CPHXL: variants seen among roughly 807,000 people sequenced by gnomAD.
CPHXL encodes the protein cytoplasmic polyadenylated homeobox like, also known as cytoplasmic polyadenylated homeobox-like protein.
intron 2 of CPHXL, 114 bp from the exon 3 acceptor site, chr16:75,715,336 C>G: frequency 2.5e-6 from 1 of 397,404 alleles, no homozygotes. Context: ...AGCAGAGTCC[C>G]TGACTTGCCT....
chr16:75,720,834 T>C (rs535860151), intron 1 of CPHXL, among the ~76,000 whole-genome samples: 338 of 151,592 alleles, frequency 2.2e-3, no homozygotes, highest in Non-Finnish European at 4.1e-3. Flanking sequence ...AAGGAAAAAA[T>C]GGGAAGGGCA....
chr16:75,722,823 C>T (rs1421111052), intron 1 of CPHXL, among the ~76,000 whole-genome samples: 1 of 152,140 alleles, frequency 6.6e-6, no homozygotes, highest in African/African-American at 2.4e-5. Context: ...ACCAATATCC[C>T]TGATGAACAT....
intron 1 of CPHXL, among the ~76,000 whole-genome samples, chr16:75,722,364 C>A (rs544247093): frequency 3.3e-5 from 5 of 151,598 alleles, no homozygotes; most frequent in Non-Finnish European, 7.4e-5. Context: ...GCTAGCAAGA[C>A]TAATAAAGAA....
chr16:75,718,303 G>C lies in CPHXL; in HGVS notation c.181C>G (p.Leu61Val). The C allele has an allele frequency of 2.5e-6, 1 of 398,794 alleles. No individual in the cohort carries two copies. The allele number at this position is 398,794 out of a possible 1,614,324, so 24.7% of individuals were successfully genotyped here. A position where few individuals can be genotyped will look rare whatever the true frequency, so the allele number is the denominator to read the frequency against. Reference sequence around the variant, plus strand: ...ACCGGACAATCAAATTTGATGGCCAGTGTTTTCCTAGTTGTGTAATCGGGA... The same window carrying C: ...ACCGGACAATCAAATTTGATGGCCACTGTTTTCCTAGTTGTGTAATCGGGA... ...CYPDYTTRKT[L>V]AIKFDCPVNV... Residue 61 changes from leucine to valine, a missense_variant, in exon 2 of 3, where the codon CTG becomes GTG. Physicochemically the swap from Leu to Val is conservative, Grantham distance 32 (BLOSUM62 1). Coordinates refer to ENST00000640559, the MANE Select transcript of CPHXL (RefSeq NM_001355613.1).
In CPHXL at chr16:75,718,298, G is replaced by A. The variant is rs1959422856; in HGVS notation, c.186C>T (p.Ala62=). The A allele has an allele frequency of 2.5e-6, 1 of 398,606 alleles. No homozygotes were observed. Among genetic ancestry groups the A allele is most frequent in the Non-Finnish European group, 4.4e-6 (1 of 226,196 alleles). The allele number at this position is 398,606 out of a possible 1,614,324, so 24.7% of individuals were successfully genotyped here. The change falls in exon 2 of 3, where the codon GCC becomes GCT. Residue 62 remains alanine (A), a synonymous_variant. Coordinates refer to ENST00000640559, the MANE Select transcript of CPHXL (RefSeq NM_001355613.1). ...YPDYTTRKTL[A]IKFDCPVNVI... Reference sequence around the variant, plus strand: ...CATTTACCGGACAATCAAATTTGATGGCCAGTGTTTTCCTAGTTGTGTAAT... The same window carrying A: ...CATTTACCGGACAATCAAATTTGATAGCCAGTGTTTTCCTAGTTGTGTAAT...
chr16:75,718,349 T>C lies in CPHXL; in HGVS notation c.135A>G (p.Glu45=), dbSNP rs1215755278. Residue 45 remains glutamate (E), a synonymous_variant, in exon 2 of 3, where the codon GAA becomes GAG. Transcript: ENST00000640559. ...FSEELLQELK[E]IFGENCYPDY... ...CGGGATAACAGTTCTCTCCAAATAT[T>C]TCCTTAAGTTCCTGCAGTAATTCTT... 1 of 398,742 alleles carries C rather than the reference T, an allele frequency of 2.5e-6. No homozygotes were observed. Among genetic ancestry groups the C allele is most frequent in the African/African-American group, 2.1e-5 (1 of 48,662 alleles). The allele number at this position is 398,742 out of a possible 1,614,324, so 24.7% of individuals were successfully genotyped here. A position where few individuals can be genotyped will look rare whatever the true frequency, so the allele number is the denominator to read the frequency against.
intron 1 of CPHXL, among the ~76,000 whole-genome samples, 175 bp from the exon 2 acceptor site, chr16:75,718,633 G>T (rs146309923): frequency 2.1e-3 from 319 of 152,252 alleles, no homozygotes; most frequent in African/African-American, 7.2e-3. Context: ...GCAGGAATTG[G>T]CTAACTCTAG....
chr16:75,725,675 A>G (rs1959546989), intron 1 of CPHXL, among the ~76,000 whole-genome samples: 1 of 150,200 alleles, frequency 6.7e-6, no homozygotes, highest in Admixed American at 6.7e-5. Flanking sequence ...GATGGTCTCA[A>G]TATCCTGACC....
chr16:75,719,510 C>G (rs751441585), intron 1 of CPHXL, among the ~76,000 whole-genome samples: 139 of 152,280 alleles, frequency 9.1e-4, no homozygotes, highest in Non-Finnish European at 1.7e-3. Flanking sequence ...TCACTGCTAG[C>G]ACAGCAGTGT....
chr16:75,722,648 T>C (rs536421086), intron 1 of CPHXL, among the ~76,000 whole-genome samples: 1 of 152,310 alleles, frequency 6.6e-6, no homozygotes, highest in East Asian at 1.9e-4. Context: ...ACCAGACGGA[T>C]TCACAGCCGA....
At chr16:75,722,740 T>C (rs1211144701) in intron 1 of CPHXL, among the ~76,000 whole-genome samples, 1 of 152,214 alleles carries the variant, frequency 6.6e-6, no homozygotes, top group Non-Finnish European at 1.5e-5. Context: ...GAATCCTCCC[T>C]AACTCATTTT....
In CPHXL at chr16:75,714,157, CACTT is replaced by C; in HGVS notation, c.*63_*66del. 2.5e-6 allele frequency: 1 copy of C among 398,510 alleles called. No homozygotes were observed. The highest frequency in any genetic ancestry group is 3.6e-5 in the East Asian group (1 of 28,084). 24.7% of individuals were successfully genotyped at this position (398,510 alleles called of 1,614,324 possible). ...CTGACCTGCGACTGTGTTTCTCTGA[CACTT>C]AGCACTACTTTGCAGAGTTGCATCC... On this transcript the variant is annotated 3_prime_UTR_variant, in exon 3 of 3. Transcript: ENST00000640559.
In CPHXL at chr16:75,714,692, T is replaced by A; in HGVS notation, c.750A>T (p.Glu250Asp). The A allele has an allele frequency of 2.5e-6, 1 of 398,660 alleles. No homozygotes were observed. The highest frequency in any genetic ancestry group is 4.4e-6 in the Non-Finnish European group (1 of 226,064). 24.7% of individuals were successfully genotyped at this position (398,660 alleles called of 1,614,324 possible). A position where few individuals can be genotyped will look rare whatever the true frequency, so the allele number is the denominator to read the frequency against. Reference sequence around the variant, plus strand: ...CAGAAGATGGGGGAGGATGAAGGCATTCTGCAGAGTTGTAGCTGAGAAAAT... The same window carrying A: ...CAGAAGATGGGGGAGGATGAAGGCAATCTGCAGAGTTGTAGCTGAGAAAAT... The part of the protein sequence containing the change: ...AYHFLSYNSA[E>D]CLHPPPSSVP... The change falls in exon 3 of 3, where the codon GAA becomes GAT. Residue 250 changes from glutamate (E) to aspartate (D), a missense_variant. Physicochemically the swap from Glu to Asp is conservative, Grantham distance 45. Coordinates refer to ENST00000640559, the MANE Select transcript of CPHXL (RefSeq NM_001355613.1).
At position 75,718,313 on chromosome 16, in the gene CPHXL, A is replaced by G; in HGVS notation, c.171T>C (p.Thr57=). 2.5e-6 allele frequency: 1 copy of G among 398,820 alleles called. No individual in the cohort carries two copies. Among genetic ancestry groups the G allele is most frequent in the Admixed American group, 4.4e-5 (1 of 22,738 alleles). 24.7% of individuals were successfully genotyped at this position (398,820 alleles called of 1,614,324 possible). The change falls in exon 2 of 3, where the codon ACT becomes ACC. Residue 57 remains threonine, a synonymous_variant. Coordinates refer to ENST00000640559, the MANE Select transcript of CPHXL (RefSeq NM_001355613.1). ...FGENCYPDYT[T]RKTLAIKFDC... ...CAAATTTGATGGCCAGTGTTTTCCT[A>G]GTTGTGTAATCGGGATAACAGTTCT... is the stretch of plus-strand genomic sequence containing the variant.
chr16:75,718,958 G>T (rs1329901181), intron 1 of CPHXL, among the ~76,000 whole-genome samples: 2 of 152,222 alleles, frequency 1.3e-5, no homozygotes, highest in East Asian at 3.8e-4. Context: ...ATGGAATCGG[G>T]AGCCTGAAAG....
rs780577463 is a variant in CPHXL, at chr16:75,726,429, C to G, written c.14G>C (p.Gly5Ala). Residue 5 changes from glycine to alanine, a missense_variant, in exon 1 of 3, where the codon GGC becomes GCC. Physicochemically the swap from Gly to Ala is moderately conservative, Grantham distance 60 (BLOSUM62 0). Coordinates refer to ENST00000640559, the MANE Select transcript of CPHXL (RefSeq NM_001355613.1). MNLDGTSGGFPAEED... is the reference protein window; with the variant it reads MNLDATSGGFPAEED... ...TGATGGGAACTTACCACCTGAAGTG[C>G]CGTCCAAATTCATCTTGGGGTAGAA... 8.5e-5 allele frequency: 34 copies of G among 398,614 alleles called. No homozygotes were observed. The highest frequency in any genetic ancestry group is 1.8e-4 in the Admixed American group (4 of 22,724). 24.7% of individuals were successfully genotyped at this position (398,614 alleles called of 1,614,324 possible).
At chr16:75,715,595 C>T (rs1959379098) in intron 2 of CPHXL, among the ~76,000 whole-genome samples, 1 of 151,958 alleles carries the variant, frequency 6.6e-6, no homozygotes, top group Admixed American at 6.5e-5. Flanking sequence ...AGCTGTCCCA[C>T]CTAGTCATGC....
intron 1 of CPHXL, among the ~76,000 whole-genome samples, chr16:75,723,718 C>T (rs1383021272): frequency 6.6e-6 from 1 of 152,166 alleles, no homozygotes; most frequent in African/African-American, 2.4e-5. Flanking sequence ...ATCAAGCTAC[C>T]AATGACTTTC....
chr16:75,725,181 C>T (rs1453062073), intron 1 of CPHXL, among the ~76,000 whole-genome samples: 4 of 151,840 alleles, frequency 2.6e-5, no homozygotes, highest in Non-Finnish European at 5.9e-5. Context: ...TGTTAAATGA[C>T]GAGTTAATGG....
Sources: gnomAD v4.1 joint callset for allele counts (sites outside exome capture counted in the v4.1 genomes callset) on GRCh38, gnomAD v4.1.1 for gene constraint, MANE v1.5 for transcripts, NCBI Gene and HGNC (gene_info 2026-07-23, HGNC 2026-07-21) for gene names.